Variants in PTPRT observed in about 807,000 individuals in gnomAD.
PTPRT encodes receptor-type tyrosine-protein phosphatase T.
PTPRT carries 56 observed loss-of-function variants against 176.8 expected under a neutral mutation model. The observed-to-expected ratio is 0.32, with a 90% CI of 0.26 to 0.40. The LOEUF (loss-of-function observed/expected upper bound fraction) is 0.40. Ranked by LOEUF, PTPRT falls within the 10% of genes least tolerant of loss-of-function variation. The probability of loss-of-function intolerance (pLI) is 1.00; values close to 1 mark genes in which losing one functional copy is unlikely to be tolerated. For synonymous variants in PTPRT, 783 were observed against 739.0 expected (o/e 1.06, Z -0.96); for missense variants, 1,540 against 1,908.2 (o/e 0.81, Z 3.60).
chr20:42,433,294 A>G (rs1274257849), intron 9 of PTPRT, among the ~76,000 whole-genome samples: 1 of 152,210 alleles, frequency 6.6e-6, no homozygotes, highest in African/African-American at 2.4e-5. Flanking sequence ...TACTGCAGAA[A>G]AAAAAAGAAA....
chr20:42,373,058 G>C (rs952256225), intron 9 of PTPRT, among the ~76,000 whole-genome samples: 2 of 152,206 alleles, frequency 1.3e-5, no homozygotes, highest in Admixed American at 1.3e-4. Flanking sequence ...GTGAAATAGG[G>C]CCTATGGAGG....
intron 7 of PTPRT, among the ~76,000 whole-genome samples, chr20:42,642,393 G>A (rs2074778165): frequency 6.6e-6 from 1 of 152,182 alleles, no homozygotes; most frequent in African/African-American, 2.4e-5. Context: ...GGACCTCCCT[G>A]AGTCTCAGTG....
At chr20:42,217,311 G>A (rs930112026) in intron 15 of PTPRT, among the ~76,000 whole-genome samples, 3 of 150,410 alleles carry the variant, frequency 2.0e-5, no homozygotes, top group Admixed American at 2.0e-4. Flanking sequence ...AGGCGGGGAG[G>A]TTGGAGTGAG....
chr20:42,499,481 G>A (rs1039832391), intron 7 of PTPRT, among the ~76,000 whole-genome samples: 2 of 151,786 alleles, frequency 1.3e-5, no homozygotes, highest in Non-Finnish European at 2.9e-5. Flanking sequence ...TAGTACAGAC[G>A]CAGTTTCACC....
At chr20:42,603,421 C>G (rs1284292872) in intron 7 of PTPRT, among the ~76,000 whole-genome samples, 1 of 152,114 alleles carries the variant, frequency 6.6e-6, no homozygotes, top group Non-Finnish European at 1.5e-5. Flanking sequence ...AAAACGCAAA[C>G]AGGCAAAAAA....
intron 7 of PTPRT, among the ~76,000 whole-genome samples, chr20:42,534,560 C>T (rs931146638): frequency 1.1e-4 from 17 of 152,122 alleles, no homozygotes; most frequent in South Asian, 4.2e-4. Context: ...GGTGTGAACC[C>T]GGGAGGCAGA....
intron 12 of PTPRT, among the ~76,000 whole-genome samples, chr20:42,291,604 C>T (rs978455751): frequency 6.6e-6 from 1 of 152,038 alleles, no homozygotes; most frequent in African/African-American, 2.4e-5. Context: ...AGATGGTCTG[C>T]TGCTTTTAGA....
chr20:42,570,898 G>A (rs548955551), intron 7 of PTPRT, among the ~76,000 whole-genome samples: 1 of 151,080 alleles, frequency 6.6e-6, no homozygotes, highest in South Asian at 2.1e-4. Flanking sequence ...TGCAGTGTAA[G>A]GCAACATATT....
In PTPRT at chr20:42,448,337, A is replaced by C. The variant is rs2070769417; in HGVS notation, c.1451-8T>G. The C allele has an allele frequency of 6.3e-7, 1 of 1,597,086 alleles. No individual in the cohort carries two copies. Among genetic ancestry groups the C allele is most frequent in the African/African-American group, 1.3e-5 (1 of 74,524 alleles). ...GAGGAACAGCTCCTGGAACTACAGAATGGAAAAGTTATGAACTTGATGTCA... is the reference window on the plus strand; with the variant it reads ...GAGGAACAGCTCCTGGAACTACAGACTGGAAAAGTTATGAACTTGATGTCA... On this transcript the variant is annotated splice_polypyrimidine_tract_variant and splice_region_variant and intron_variant, in intron 8 of 30. Coordinates refer to ENST00000373187, the MANE Select transcript of PTPRT (RefSeq NM_007050.6).
chr20:42,823,359 G>A (rs2077933438), intron 2 of PTPRT, among the ~76,000 whole-genome samples: 1 of 152,050 alleles, frequency 6.6e-6, no homozygotes, highest in South Asian at 2.1e-4. Context: ...GACACACAGA[G>A]GGGAATAACA....
At chr20:43,083,852 A>C (rs1349551559) in intron 1 of PTPRT, among the ~76,000 whole-genome samples, 1 of 151,872 alleles carries the variant, frequency 6.6e-6, no homozygotes, top group East Asian at 1.9e-4. Context: ...GTTTCTATGG[A>C]TTCACCTTTT....
At chr20:42,647,223 G>A (rs954301394) in intron 7 of PTPRT, among the ~76,000 whole-genome samples, 1 of 151,904 alleles carries the variant, frequency 6.6e-6, no homozygotes, top group African/African-American at 2.4e-5. Context: ...GTTATGATAT[G>A]CTTGTATTGC....
chr20:42,224,381 A>T (rs2055956628), intron 15 of PTPRT, among the ~76,000 whole-genome samples: 1 of 152,192 alleles, frequency 6.6e-6, no homozygotes, highest in Non-Finnish European at 1.5e-5. Flanking sequence ...CAGTCTAAGG[A>T]TTGTCTACCT....
chr20:43,181,603 A>T (rs990809684), intron 1 of PTPRT, among the ~76,000 whole-genome samples: 1 of 152,210 alleles, frequency 6.6e-6, no homozygotes, highest in South Asian at 2.1e-4. Context: ...TATTCAAACT[A>T]ACTTTACAAA....
chr20:43,048,697 A>T (rs1442945716), intron 1 of PTPRT, among the ~76,000 whole-genome samples: 2 of 152,166 alleles, frequency 1.3e-5, no homozygotes, highest in Non-Finnish European at 2.9e-5. Context: ...TGGGGAAAAA[A>T]TGTTTCTGCT....
At chr20:42,239,855 G>A (rs370175535) in intron 14 of PTPRT, among the ~76,000 whole-genome samples, 1 of 152,128 alleles carries the variant, frequency 6.6e-6, no homozygotes, top group Non-Finnish European at 1.5e-5. Context: ...CCACAACCCT[G>A]AGGAGCAGAT....
rs769056184 is a variant in PTPRT at position 42,115,240 on chromosome 20, G to A, written c.3058C>T (p.Pro1020Ser). The A allele has an allele frequency of 1.9e-6, 3 of 1,614,070 alleles. No homozygotes were observed. The highest frequency in any genetic ancestry group is 2.5e-6 in the Non-Finnish European group (3 of 1,179,962). The part of the protein sequence containing the change: ...DIKVTLIETE[P>S]LAEYVIRTFT... ...GTGCGTATGACGTATTCTGCCAGGG[G>A]CTCTGTTTCAATCAGGGTGACTTTA... is the stretch of plus-strand genomic sequence containing the variant. The change falls in exon 22 of 31, where the codon CCC (proline) becomes TCC (serine). Residue 1020 changes from proline to serine, a missense_variant. Pro to Ser is a moderately conservative substitution (Grantham distance 74, BLOSUM62 -1). Coordinates refer to ENST00000373187, the MANE Select transcript of PTPRT (RefSeq NM_007050.6).
downstream of PTPRT, among the ~76,000 whole-genome samples, chr20:42,071,321 G>A (rs960284004): frequency 1.3e-5 from 2 of 152,212 alleles, no homozygotes; most frequent in Non-Finnish European, 2.9e-5. Flanking sequence ...GAGGACATAT[G>A]CATCCAACTG....
At position 42,603,242 on chromosome 20, in the gene PTPRT, T is replaced by TG. The variant is rs542480620; in HGVS notation, c.1153+74623dup. Among the ~76,000 whole-genome samples the TG allele has an allele frequency of 1.1e-3, 163 of 151,900 alleles. 1 individual carries two copies. The highest frequency in any genetic ancestry group is 3.7e-3 in the African/African-American group (153 of 41,414). ...TACGAGTGATGTAGTAATGGTATGC[T>TG]GGGGAGGAGGGTGTGAGGGAGAGAA... On this transcript the variant is annotated intron_variant, in intron 7 of 30. Transcript: ENST00000373187.
Sources: allele counts gnomAD v4.1 joint callset (sites outside exome capture counted in the v4.1 genomes callset), GRCh38; gene constraint gnomAD v4.1.1; transcripts MANE v1.5; gene names NCBI Gene and HGNC (gene_info 2026-07-23, HGNC 2026-07-21).